The following LHFPL3 variants were observed in gnomAD, a reference collection of about 807,000 sequenced individuals.
LHFPL3 encodes LHFPL tetraspan subfamily member 3 protein.
A neutral mutation model predicts 19.3 loss-of-function variants in LHFPL3; 5 were observed. The ratio of observed to expected loss-of-function variants is 0.26; its 90% CI spans 0.14 to 0.54. The LOEUF is 0.54. Ranked by LOEUF, LHFPL3 falls within the 20% of genes least tolerant of loss-of-function variation. The pLI is 0.94. For missense variants in LHFPL3, 249 were observed against 307.4 expected, an observed-to-expected ratio of 0.81 and a Z score of 1.42; for synonymous variants, 133 against 126.2, an observed-to-expected ratio of 1.05 and a Z score of -0.36.
At chr7:104,517,270 T>C (rs1388449327) in intron 1 of LHFPL3, among the ~76,000 whole-genome samples, 1 of 152,094 alleles carries the variant, frequency 6.6e-6, no homozygotes, top group African/African-American at 2.4e-5. Context: ...GCAACAAACC[T>C]GCACATGTAC....
At chr7:104,562,369 G>A (rs1378743506) in intron 1 of LHFPL3, among the ~76,000 whole-genome samples, 3 of 152,090 alleles carry the variant, frequency 2.0e-5, no homozygotes, top group Non-Finnish European at 4.4e-5. Context: ...GTTCTTGGAG[G>A]CTTTGCTCAT....
chr7:104,510,055 A>C (rs1274682669), intron 1 of LHFPL3, among the ~76,000 whole-genome samples: 3 of 152,126 alleles, frequency 2.0e-5, no homozygotes, highest in African/African-American at 7.2e-5. Context: ...TTGCATGCTG[A>C]AAACCAAATA....
At chr7:104,678,341 T>G (rs1415410203) in intron 1 of LHFPL3, among the ~76,000 whole-genome samples, 1 of 152,182 alleles carries the variant, frequency 6.6e-6, no homozygotes, top group East Asian at 1.9e-4. Flanking sequence ...CAGCACCCCT[T>G]ACCAAACGTT....
chr7:104,491,635 G>T (rs781032499), intron 1 of LHFPL3, among the ~76,000 whole-genome samples: 3 of 152,062 alleles, frequency 2.0e-5, no homozygotes, highest in Non-Finnish European at 4.4e-5. Flanking sequence ...GCCACTCTAG[G>T]CTGTCCCTCC....
chr7:104,903,242 C>T (rs1792528295), intron 2 of LHFPL3, among the ~76,000 whole-genome samples: 1 of 152,190 alleles, frequency 6.6e-6, no homozygotes, highest in Admixed American at 6.5e-5. Context: ...TAAAGTCAAA[C>T]CAGGCAGCTT....
intron 1 of LHFPL3, among the ~76,000 whole-genome samples, chr7:104,360,288 T>C (rs1584266192): frequency 6.6e-6 from 1 of 152,208 alleles, no homozygotes; most frequent in Admixed American, 6.5e-5. Flanking sequence ...TGCGTTCCAA[T>C]GTATCATGTT....
chr7:104,899,702 TA>T (rs1264904605), intron 2 of LHFPL3, among the ~76,000 whole-genome samples: 1 of 152,168 alleles, frequency 6.6e-6, no homozygotes, highest in Admixed American at 6.5e-5. Context: ...GTCACTAAAG[TA>T]GGGACAGAAC....
At chr7:104,645,882 G>A (rs928068528) in intron 1 of LHFPL3, among the ~76,000 whole-genome samples, 1 of 151,874 alleles carries the variant, frequency 6.6e-6, no homozygotes, top group African/African-American at 2.4e-5. Context: ...GGATGGTCTC[G>A]ATCTTCTGAC....
chr7:104,347,237 T>C (rs1245731323), intron 1 of LHFPL3, among the ~76,000 whole-genome samples: 1 of 151,612 alleles, frequency 6.6e-6, no homozygotes, highest in Non-Finnish European at 1.5e-5. Context: ...CCTCACTGTT[T>C]TATTTCTTTT....
chr7:104,336,070 A>G (rs753822779), intron 1 of LHFPL3, among the ~76,000 whole-genome samples: 1 of 152,190 alleles, frequency 6.6e-6, no homozygotes, highest in Admixed American at 6.5e-5. Flanking sequence ...TGTAATTTCC[A>G]TAATGTATTT....
chr7:104,566,548 A>T (rs997343779), intron 1 of LHFPL3, among the ~76,000 whole-genome samples: 4 of 152,126 alleles, frequency 2.6e-5, no homozygotes, highest in Admixed American at 1.3e-4. Flanking sequence ...TCACATAAGA[A>T]CCAAAGATGG....
intron 1 of LHFPL3, among the ~76,000 whole-genome samples, chr7:104,417,167 G>T (rs1791637991): frequency 6.6e-6 from 1 of 152,200 alleles, no homozygotes; most frequent in Non-Finnish European, 1.5e-5. Context: ...GGCATTTAGA[G>T]TAATTTCCAG....
chr7:104,825,788 T>C (rs1219303110), intron 2 of LHFPL3, among the ~76,000 whole-genome samples: 1 of 152,018 alleles, frequency 6.6e-6, no homozygotes, highest in Middle Eastern at 3.4e-3. Context: ...TCCAACACAT[T>C]TGCATTTTAG....
intron 1 of LHFPL3, among the ~76,000 whole-genome samples, chr7:104,391,626 C>G (rs1791070801): frequency 6.6e-6 from 1 of 152,172 alleles, no homozygotes; most frequent in South Asian, 2.1e-4. Flanking sequence ...TGTGACGCCT[C>G]TAGCTTTGTT....
At chr7:104,830,110 T>G (rs1476967362) in intron 2 of LHFPL3, among the ~76,000 whole-genome samples, 3 of 152,120 alleles carry the variant, frequency 2.0e-5, no homozygotes. Flanking sequence ...CATGTGTCTT[T>G]TGGCTGCATA....
chr7:104,477,273 G>A lies in LHFPL3; in HGVS notation c.445+148049G>A, dbSNP rs141909182. Among the ~76,000 whole-genome samples, 5 of 152,322 alleles carry A rather than the reference G, an allele frequency of 3.3e-5. No individual in the cohort carries two copies. The East Asian group carries it at 9.7e-4, about 29-fold the overall frequency. ...CCTGAAGTGCTGGGATTGCAGGTGT[G>A]AGCCAGTGCGCCCAGCCCAAGAACA... On this transcript the variant is annotated intron_variant, in intron 1 of 2. Coordinates refer to ENST00000424859, the MANE Select transcript of LHFPL3 (RefSeq NM_199000.3).
intron 1 of LHFPL3, among the ~76,000 whole-genome samples, chr7:104,621,288 T>G (rs1051561217): frequency 1.3e-5 from 2 of 152,224 alleles, no homozygotes; most frequent in Non-Finnish European, 2.9e-5. Context: ...TAGAAAATCC[T>G]AACATTCTAT....
At chr7:104,774,048 C>T (rs1479194353) in intron 2 of LHFPL3, among the ~76,000 whole-genome samples, 2 of 152,212 alleles carry the variant, frequency 1.3e-5, no homozygotes, top group African/African-American at 2.4e-5. Flanking sequence ...ATTCAGGCCT[C>T]CTGGCCTTTT....
At chr7:104,753,499 A>G (rs556525803) in intron 2 of LHFPL3, among the ~76,000 whole-genome samples, 8 of 152,374 alleles carry the variant, frequency 5.3e-5, no homozygotes, top group Admixed American at 2.6e-4. Context: ...ATATTTGAGA[A>G]TAGAGGTCAG....
Sources: allele counts gnomAD v4.1 joint callset (sites outside exome capture counted in the v4.1 genomes callset), GRCh38; gene constraint gnomAD v4.1.1; transcripts MANE v1.5; gene names NCBI Gene and HGNC (gene_info 2026-07-23, HGNC 2026-07-21).